Variants in LINGO2 observed in about 807,000 individuals in gnomAD.
LINGO2 encodes the protein leucine-rich repeat and immunoglobulin-like domain-containing nogo receptor-interacting protein 2.
Under a neutral mutation model 30.6 loss-of-function variants are expected in LINGO2, and 14 were observed. The observed-to-expected ratio is 0.46, with a 90% CI of 0.30 to 0.72. The LOEUF (loss-of-function observed/expected upper bound fraction) is 0.72. Ranked by LOEUF, LINGO2 falls within the 30% of genes least tolerant of loss-of-function variation. The pLI, the probability that LINGO2 is intolerant of heterozygous loss-of-function variation, is 0.07. For missense variants in LINGO2, 729 were observed against 751.7 expected (o/e 0.97, Z 0.35); for synonymous variants, 317 against 288.5 (o/e 1.10, Z -1.00).
At chr9:28,962,978 T>C in the LINGO2 span, among the ~76,000 whole-genome samples, 1 of 152,136 alleles carries the variant, frequency 6.6e-6, no homozygotes, top group Non-Finnish European at 1.5e-5. Flanking sequence ...AGGTTTACTT[T>C]CTATATTTCA....
the LINGO2 span, among the ~76,000 whole-genome samples, chr9:28,924,973 T>C: frequency 1.3e-5 from 2 of 152,180 alleles, no homozygotes; most frequent in African/African-American, 2.4e-5. Flanking sequence ...CCCTTCACTT[T>C]CAGTCTATGT....
At chr9:27,977,527 G>T (rs980878208) in intron 5 of LINGO2, among the ~76,000 whole-genome samples, 1 of 151,884 alleles carries the variant, frequency 6.6e-6, no homozygotes, top group African/African-American at 2.4e-5. Flanking sequence ...CTATTCAGAA[G>T]CATCTATTAC....
At chr9:28,370,775 G>T (rs1354386185) in intron 3 of LINGO2, among the ~76,000 whole-genome samples, 2 of 152,102 alleles carry the variant, frequency 1.3e-5, no homozygotes, top group East Asian at 3.9e-4. Flanking sequence ...TGTTAAGATG[G>T]TAAACAATGT....
At chr9:28,415,592 G>C (rs547733775) in intron 2 of LINGO2, among the ~76,000 whole-genome samples, 1 of 152,010 alleles carries the variant, frequency 6.6e-6, no homozygotes, top group Non-Finnish European at 1.5e-5. Flanking sequence ...CATTTTCCTG[G>C]AAGTATTCTT....
chr9:28,412,820 G>A (rs960361818), intron 2 of LINGO2, among the ~76,000 whole-genome samples: 2 of 151,632 alleles, frequency 1.3e-5, no homozygotes, highest in Admixed American at 1.3e-4. Context: ...CTTTACCCTT[G>A]AGCAATATAG....
chr9:29,080,406 T>C, the LINGO2 span, among the ~76,000 whole-genome samples: 21 of 151,620 alleles, frequency 1.4e-4, no homozygotes, highest in Admixed American at 2.0e-4. Flanking sequence ...CCTGGATTCA[T>C]TGATTTTTTT....
chr9:28,830,977 G>T, the LINGO2 span, among the ~76,000 whole-genome samples: 2 of 152,220 alleles, frequency 1.3e-5, no homozygotes, highest in African/African-American at 4.8e-5. Flanking sequence ...CATGAGAAGG[G>T]CTGTGGGCCT....
chr9:28,110,377 A>T (rs1194482110), intron 4 of LINGO2, among the ~76,000 whole-genome samples: 1 of 152,240 alleles, frequency 6.6e-6, no homozygotes, highest in Non-Finnish European at 1.5e-5. Flanking sequence ...TTGCAACAAA[A>T]GCCAAAATTG....
intron 4 of LINGO2, among the ~76,000 whole-genome samples, chr9:28,146,172 G>A (rs530703355): frequency 6.6e-6 from 1 of 152,280 alleles, no homozygotes; most frequent in Admixed American, 6.5e-5. Flanking sequence ...ACCACAATCA[G>A]CCCCCTTCAG....
At chr9:28,072,549 G>A (rs1180504634) in intron 4 of LINGO2, among the ~76,000 whole-genome samples, 2 of 152,162 alleles carry the variant, frequency 1.3e-5, no homozygotes, top group South Asian at 2.1e-4. Flanking sequence ...TCTCTGGAGT[G>A]AAGAATCATA....
the LINGO2 span, among the ~76,000 whole-genome samples, chr9:28,785,638 C>T: frequency 6.7e-6 from 1 of 149,198 alleles, no homozygotes; most frequent in Non-Finnish European, 1.5e-5. Context: ...GCCCTCCCTC[C>T]CCCGCCACCC....
At chr9:28,707,590 C>CAGAA in the LINGO2 span, among the ~76,000 whole-genome samples, 11 of 152,208 alleles carry the variant, frequency 7.2e-5, no homozygotes, top group Admixed American at 5.9e-4. Flanking sequence ...ATTTTTGTCT[C>CAGAA]ACACTATCTG....
chr9:28,260,662 C>T (rs1358264239), intron 4 of LINGO2, among the ~76,000 whole-genome samples: 2 of 151,996 alleles, frequency 1.3e-5, no homozygotes, highest in East Asian at 3.9e-4. Context: ...ATGTAGCAAG[C>T]TTTATACCTA....
At chr9:28,777,861 G>A in the LINGO2 span, among the ~76,000 whole-genome samples, 5 of 152,144 alleles carry the variant, frequency 3.3e-5, no homozygotes, top group African/African-American at 1.2e-4. Flanking sequence ...TAAATTTAAG[G>A]TATTAAATCC....
intron 2 of LINGO2, among the ~76,000 whole-genome samples, chr9:28,388,456 G>C (rs1237971537): frequency 6.6e-6 from 1 of 152,126 alleles, no homozygotes; most frequent in Non-Finnish European, 1.5e-5. Context: ...GAATTGCTAA[G>C]TCATAGGGCA....
intron 2 of LINGO2, among the ~76,000 whole-genome samples, chr9:28,449,135 C>T (rs1449066512): frequency 1.4e-5 from 2 of 146,928 alleles, no homozygotes; most frequent in Non-Finnish European, 3.0e-5. Flanking sequence ...AAATGGTTTT[C>T]TTGTGTCTTT....
chr9:28,429,185 A>G (rs1823541411), intron 2 of LINGO2, among the ~76,000 whole-genome samples: 1 of 152,228 alleles, frequency 6.6e-6, no homozygotes, highest in African/African-American at 2.4e-5. Context: ...AGATACAAAG[A>G]GTATTCTGCT....
At chr9:28,830,155 G>C in the LINGO2 span, among the ~76,000 whole-genome samples, 2 of 152,144 alleles carry the variant, frequency 1.3e-5, no homozygotes, top group Non-Finnish European at 2.9e-5. Context: ...ATAGATGAGA[G>C]AAGGGGACAT....
intron 3 of LINGO2, among the ~76,000 whole-genome samples, chr9:28,307,295 A>C (rs1692712928): frequency 6.6e-6 from 1 of 152,188 alleles, no homozygotes. Context: ...CAATAAATGT[A>C]ATCCAGCACA....
Sources: allele counts gnomAD v4.1 joint callset (sites outside exome capture counted in the v4.1 genomes callset), GRCh38; gene constraint gnomAD v4.1.1; transcripts MANE v1.5; gene names NCBI Gene and HGNC (gene_info 2026-07-23, HGNC 2026-07-21).